The following ADAMTS17 variants were observed in gnomAD, a reference collection of about 807,000 sequenced individuals.
The protein encoded by ADAMTS17 is A disintegrin and metalloproteinase with thrombospondin motifs 17.
Under a neutral mutation model 141.5 loss-of-function variants are expected in ADAMTS17, and 113 were observed. The observed-to-expected ratio is 0.80, with a 90% confidence interval of 0.69 to 0.93. ADAMTS17 has a LOEUF of 0.93. Among genes scored for constraint, ADAMTS17 ranks in the 40% least tolerant of loss-of-function variants. The pLI is 0.00. For missense variants in ADAMTS17, 1,659 were observed against 1,517.9 expected, an observed-to-expected ratio of 1.09 and a Z score of -1.54; for synonymous variants, 768 against 630.6, an observed-to-expected ratio of 1.22 and a Z score of -3.27.
intron 3 of ADAMTS17, among the ~76,000 whole-genome samples, chr15:100,322,213 C>G (rs1350325374): frequency 6.6e-6 from 1 of 152,162 alleles, no homozygotes; most frequent in Non-Finnish European, 1.5e-5. Context: ...AGAAAGCTTG[C>G]AGCCCCTGTG....
intron 7 of ADAMTS17, among the ~76,000 whole-genome samples, chr15:100,240,018 C>T (rs1347186823): frequency 1.3e-5 from 2 of 152,196 alleles, no homozygotes; most frequent in African/African-American, 4.8e-5. Context: ...ATGTGCCCAA[C>T]CCCAACAATC....
intron 18 of ADAMTS17, among the ~76,000 whole-genome samples, chr15:100,006,873 A>T (rs1012335846): frequency 1.3e-5 from 2 of 152,270 alleles, no homozygotes; most frequent in African/African-American, 4.8e-5. Flanking sequence ...ACATGGCAGC[A>T]TAAAAAGGGT....
chr15:100,240,060 C>CACGT (rs2042783697), intron 7 of ADAMTS17, among the ~76,000 whole-genome samples: 1 of 152,192 alleles, frequency 6.6e-6, no homozygotes, highest in Non-Finnish European at 1.5e-5. Flanking sequence ...GAGCCTGCTC[C>CACGT]ACGTGTACCG....
chr15:100,278,667 T>G (rs72633241), intron 4 of ADAMTS17, among the ~76,000 whole-genome samples: 18,354 of 152,194 alleles, frequency 0.12, 1,273 homozygotes, highest in East Asian at 0.25. Context: ...GAGAGAGGCA[T>G]GTCCCGAAAG....
chr15:100,341,759 G>A (rs1337050334), intron 1 of ADAMTS17, 62 bp downstream of exon 1: 2 of 1,512,536 alleles, frequency 1.3e-6, no homozygotes, highest in African/African-American at 2.9e-5. Flanking sequence ...GACGCCGCGA[G>A]AACGCAGAGG....
At chr15:100,096,207 G>A in intron 15 of ADAMTS17, 149 bp downstream of exon 15, 1 of 1,392,406 alleles carries the variant, frequency 7.2e-7, no homozygotes, top group Non-Finnish European at 9.9e-7. Flanking sequence ...GTCCTTTCTT[G>A]CTTTTCAGAA....
intron 15 of ADAMTS17, among the ~76,000 whole-genome samples, chr15:100,054,271 A>C (rs1239702193): frequency 1.3e-5 from 2 of 152,180 alleles, no homozygotes; most frequent in East Asian, 3.9e-4. Flanking sequence ...TAGGATCCCC[A>C]GGGAGAGCTG....
At chr15:99,995,400 C>T (rs2060780687) in intron 19 of ADAMTS17, among the ~76,000 whole-genome samples, 1 of 152,238 alleles carries the variant, frequency 6.6e-6, no homozygotes, top group Non-Finnish European at 1.5e-5. Flanking sequence ...AAACTCTGAC[C>T]AGCAACCCAT....
At chr15:100,179,527 G>A (rs1055040239) in intron 8 of ADAMTS17, among the ~76,000 whole-genome samples, 2 of 152,138 alleles carry the variant, frequency 1.3e-5, no homozygotes, top group African/African-American at 4.8e-5. Flanking sequence ...ATATCTCTTT[G>A]ATATACTGAC....
chr15:100,005,617 A>G (rs74036680), intron 18 of ADAMTS17, among the ~76,000 whole-genome samples: 1,662 of 152,292 alleles, frequency 0.011, 36 homozygotes, highest in African/African-American at 0.038. Context: ...CAGATAATCC[A>G]GAATAATCTA....
intron 14 of ADAMTS17, among the ~76,000 whole-genome samples, 172 bp downstream of exon 14, chr15:100,108,817 G>A (rs2036564759): frequency 6.6e-6 from 1 of 152,214 alleles, no homozygotes; most frequent in African/African-American, 2.4e-5. Flanking sequence ...TACTGAGCTA[G>A]GGTTGGTGCA....
chr15:100,179,146 T>C (rs1352235061), intron 8 of ADAMTS17, among the ~76,000 whole-genome samples: 1 of 152,234 alleles, frequency 6.6e-6, no homozygotes, highest in Non-Finnish European at 1.5e-5. Flanking sequence ...AGCCCTGTTG[T>C]GGAACCAAAT....
At chr15:99,975,500 C>T (rs2060302745) in intron 21 of ADAMTS17, among the ~76,000 whole-genome samples, 1 of 152,136 alleles carries the variant, frequency 6.6e-6, no homozygotes, top group Non-Finnish European at 1.5e-5. Flanking sequence ...CATGAGCCAC[C>T]ACAACCAGCC....
intron 3 of ADAMTS17, among the ~76,000 whole-genome samples, chr15:100,292,986 CG>C (rs573111129): frequency 3.5e-4 from 54 of 152,296 alleles, no homozygotes; most frequent in African/African-American, 1.2e-3. Flanking sequence ...GCAGTATTGT[CG>C]ACATCATTTT....
intron 10 of ADAMTS17, among the ~76,000 whole-genome samples, chr15:100,137,591 G>C (rs991593119): frequency 6.6e-6 from 1 of 152,120 alleles, no homozygotes; most frequent in Admixed American, 6.5e-5. Flanking sequence ...TGGCAGACAG[G>C]GCTGCTCTTC....
intron 20 of ADAMTS17, among the ~76,000 whole-genome samples, chr15:99,988,576 C>T (rs1185734908): frequency 6.6e-6 from 1 of 152,214 alleles, no homozygotes; most frequent in Admixed American, 6.5e-5. Flanking sequence ...TCACATCCCA[C>T]AAATCCCTTT....
chr15:99,984,860 G>T (rs2060553356), intron 20 of ADAMTS17, among the ~76,000 whole-genome samples: 1 of 152,244 alleles, frequency 6.6e-6, no homozygotes, highest in Admixed American at 6.5e-5. Context: ...GGCATGGGAT[G>T]ACCAGGCTTC....
intron 15 of ADAMTS17, among the ~76,000 whole-genome samples, chr15:100,087,199 C>A (rs944551773): frequency 2.7e-5 from 4 of 150,574 alleles, no homozygotes; most frequent in African/African-American, 9.7e-5. Context: ...ACCATCATAT[C>A]TTATAAACAC....
At chr15:100,215,488 C>G (rs930351595) in intron 7 of ADAMTS17, among the ~76,000 whole-genome samples, 3 of 152,128 alleles carry the variant, frequency 2.0e-5, no homozygotes, top group Non-Finnish European at 2.9e-5. Flanking sequence ...AGCTTGTGCA[C>G]TATAGACAAC....
Sources: gnomAD v4.1 joint callset for allele counts (sites outside exome capture counted in the v4.1 genomes callset) on GRCh38, gnomAD v4.1.1 for gene constraint, MANE v1.5 for transcripts, NCBI Gene and HGNC (gene_info 2026-07-23, HGNC 2026-07-21) for gene names.